Variants in NRXN1 observed in about 807,000 individuals in gnomAD.
NRXN1 encodes neurexin 1, also known as neurexin-1.
A neutral mutation model predicts 150.9 loss-of-function variants in NRXN1; 39 were observed. That is an observed-to-expected ratio of 0.26 (90% CI 0.20 to 0.34). The LOEUF (loss-of-function observed/expected upper bound fraction) is 0.34, where lower values mean the gene tolerates loss of function less well. Among genes scored for constraint, NRXN1 ranks in the 10% least tolerant of loss-of-function variants. The pLI, the probability that NRXN1 is intolerant of heterozygous loss-of-function variation, is 1.00. For missense variants in NRXN1, 1,815 were observed against 1,949.9 expected, an observed-to-expected ratio of 0.93 and a Z score of 1.30; for synonymous variants, 924 against 757.0, an observed-to-expected ratio of 1.22 and a Z score of -3.62.
chr2:49,942,614 TTTA>T (rs1553398764), intron 22 of NRXN1, among the ~76,000 whole-genome samples: 1 of 148,928 alleles, frequency 6.7e-6, no homozygotes, highest in East Asian at 2.0e-4. Context: ...TTATTATTAT[TTTA>T]TTATTATTTT....
chr2:50,690,288 T>C (rs1051387147), intron 5 of NRXN1, among the ~76,000 whole-genome samples: 8 of 152,140 alleles, frequency 5.3e-5, no homozygotes, highest in African/African-American at 1.9e-4. Context: ...AAATGCAAAA[T>C]ATGATGAAAA....
At chr2:50,017,653 A>C (rs1042531534) in intron 21 of NRXN1, among the ~76,000 whole-genome samples, 1 of 122,638 alleles carries the variant, frequency 8.2e-6, no homozygotes. Context: ...TTAGAAAAAA[A>C]CACAGCCTTT....
chr2:50,889,214 G>C (rs1475942826), intron 5 of NRXN1, among the ~76,000 whole-genome samples: 1 of 151,638 alleles, frequency 6.6e-6, no homozygotes, highest in Non-Finnish European at 1.5e-5. Flanking sequence ...ACCAATACTT[G>C]AAATTGGCTT....
At chr2:50,551,726 A>C (rs2105339583) in intron 9 of NRXN1, among the ~76,000 whole-genome samples, 1 of 152,144 alleles carries the variant, frequency 6.6e-6, no homozygotes, top group Non-Finnish European at 1.5e-5. Flanking sequence ...GTAGTTGTAT[A>C]CTTAAAACAG....
At position 50,591,381 on chromosome 2, in the gene NRXN1, CAGATAGATAGAT is replaced by C. The variant is rs59774040; in HGVS notation, c.1320+28629_1320+28640del. ...GAAAATTCTACCATACACTATATATCAGATAGATAGATAGATAGATAGATAGATAGATAGATA... is the reference window on the plus strand; with the variant it reads ...GAAAATTCTACCATACACTATATATCAGATAGATAGATAGATAGATAGATA... On this transcript the variant is annotated intron_variant, in intron 8 of 22. Transcript: ENST00000401669. Among the ~76,000 whole-genome samples the C allele has an allele frequency of 8.6e-3, 1,165 of 134,814 alleles. 10 individuals carry two copies. The highest frequency in any genetic ancestry group is 0.02 in the African/African-American group (742 of 36,292). 88.4% of individuals were successfully genotyped at this position (134,814 alleles called of 152,430 possible). A position where few individuals can be genotyped will look rare whatever the true frequency, so the allele number is the denominator to read the frequency against.
At chr2:50,757,545 A>G (rs1271313792) in intron 5 of NRXN1, among the ~76,000 whole-genome samples, 1 of 151,864 alleles carries the variant, frequency 6.6e-6, no homozygotes, top group African/African-American at 2.4e-5. Context: ...AATACAAATT[A>G]AAAGTAAGTA....
chr2:50,935,732 A>G (rs1688445527), intron 2 of NRXN1, among the ~76,000 whole-genome samples: 1 of 152,112 alleles, frequency 6.6e-6, no homozygotes, highest in South Asian at 2.1e-4. Flanking sequence ...CTCAAAAACA[A>G]AAAAGTAACC....
At position 50,881,777 on chromosome 2, in the gene NRXN1, A is replaced by G. The variant is rs557159672; in HGVS notation, c.832+40092T>C. On this transcript the variant is annotated intron_variant, in intron 5 of 22. Coordinates refer to ENST00000401669, the MANE Select transcript of NRXN1 (RefSeq NM_001330078.2). ...TTGTATATAATTAAGAATACATGAAATTTACATTAGAGGGTAATGCCTTTT... is the reference window on the plus strand; with the variant it reads ...TTGTATATAATTAAGAATACATGAAGTTTACATTAGAGGGTAATGCCTTTT... Among the ~76,000 whole-genome samples the G allele has an allele frequency of 4.1e-4, 62 of 151,976 alleles. 1 individual carries two copies. The South Asian group carries it at 0.011, about 27-fold the overall frequency.
At chr2:50,579,903 T>A (rs991128730) in intron 8 of NRXN1, among the ~76,000 whole-genome samples, 1 of 152,176 alleles carries the variant, frequency 6.6e-6, no homozygotes, top group Non-Finnish European at 1.5e-5. Flanking sequence ...ACTAAAGTTA[T>A]CATGAAAGGG....
intron 5 of NRXN1, among the ~76,000 whole-genome samples, chr2:50,743,318 G>T (rs1157163929): frequency 6.6e-6 from 1 of 151,940 alleles, no homozygotes; most frequent in East Asian, 1.9e-4. Flanking sequence ...TTTTAAAGTG[G>T]GTATGCTCTA....
At chr2:50,284,131 A>G (rs1031977553) in intron 17 of NRXN1, among the ~76,000 whole-genome samples, 2 of 152,176 alleles carry the variant, frequency 1.3e-5, no homozygotes, top group African/African-American at 4.8e-5. Context: ...TCTCTTGGAA[A>G]TTATGGTGAT....
At chr2:50,176,564 T>G (rs908020898) in intron 18 of NRXN1, among the ~76,000 whole-genome samples, 1 of 152,110 alleles carries the variant, frequency 6.6e-6, no homozygotes, top group African/African-American at 2.4e-5. Context: ...ACATAATTCC[T>G]GAGTGAAAAC....
chr2:50,820,301 G>C (rs1194235430), intron 5 of NRXN1, among the ~76,000 whole-genome samples: 1 of 151,978 alleles, frequency 6.6e-6, no homozygotes, highest in Non-Finnish European at 1.5e-5. Context: ...TCATCTCACT[G>C]TTACCTTACT....
intron 2 of NRXN1, among the ~76,000 whole-genome samples, chr2:51,014,085 G>A (rs17041192): frequency 0.018 from 2,760 of 152,108 alleles, 86 homozygotes; most frequent in African/African-American, 0.064. Context: ...GGCATGATGG[G>A]AAATTAGCAA....
intron 17 of NRXN1, among the ~76,000 whole-genome samples, chr2:50,253,085 C>T (rs1353539910): frequency 6.6e-6 from 1 of 151,940 alleles, no homozygotes; most frequent in Non-Finnish European, 1.5e-5. Context: ...TTCTTGTTTT[C>T]TTGAGCAATG....
intron 2 of NRXN1, among the ~76,000 whole-genome samples, chr2:50,928,519 A>AT (rs570021128): frequency 1.3e-5 from 2 of 151,978 alleles, no homozygotes; most frequent in African/African-American, 4.8e-5. Context: ...TTCTCCAGGT[A>AT]TTTTTTTCCC....
At chr2:50,696,478 G>T (rs1457785958) in intron 5 of NRXN1, among the ~76,000 whole-genome samples, 1 of 152,152 alleles carries the variant, frequency 6.6e-6, no homozygotes, top group Admixed American at 6.5e-5. Flanking sequence ...ATCATAGTTT[G>T]CTAAAGAAGG....
intron 19 of NRXN1, among the ~76,000 whole-genome samples, chr2:50,089,509 G>T (rs2152694548): frequency 6.6e-6 from 1 of 152,216 alleles, no homozygotes. Context: ...TTTTTAGGCT[G>T]GGCATGGTGG....
chr2:50,178,025 A>G (rs2060460499), intron 18 of NRXN1, among the ~76,000 whole-genome samples: 2 of 152,060 alleles, frequency 1.3e-5, no homozygotes, highest in Admixed American at 1.3e-4. Flanking sequence ...AGTTTCTCAT[A>G]TGTAAAATTT....
Sources: allele counts gnomAD v4.1 joint callset (sites outside exome capture counted in the v4.1 genomes callset), GRCh38; gene constraint gnomAD v4.1.1; transcripts MANE v1.5; gene names NCBI Gene and HGNC (gene_info 2026-07-23, HGNC 2026-07-21).